The following NKAIN2 variants were observed in gnomAD, a reference collection of about 807,000 sequenced individuals.
NKAIN2 encodes sodium/potassium transporting ATPase interacting 2, also known as sodium/potassium-transporting ATPase subunit beta-1-interacting protein 2.
NKAIN2 carries 14 observed loss-of-function variants against 32.6 expected under a neutral mutation model. The observed-to-expected ratio is 0.43, with a 90% CI of 0.28 to 0.67. The LOEUF (loss-of-function observed/expected upper bound fraction) is 0.67, where lower values mean the gene tolerates loss of function less well. NKAIN2 is among the 30% of genes least tolerant of loss of function. The pLI is 0.17. For missense variants in NKAIN2, 198 were observed against 258.3 expected (o/e 0.77, Z 1.60); for synonymous variants, 80 against 87.2 (o/e 0.92, Z 0.46).
chr6:123,846,088 C>T (rs557579729), intron 1 of NKAIN2, among the ~76,000 whole-genome samples: 69 of 152,204 alleles, frequency 4.5e-4, no homozygotes, highest in African/African-American at 1.6e-3. Flanking sequence ...TATGCATCTT[C>T]TTTTTCTAAC....
chr6:124,553,455 G>A (rs1230659418), intron 3 of NKAIN2, among the ~76,000 whole-genome samples: 2 of 152,024 alleles, frequency 1.3e-5, no homozygotes, highest in Non-Finnish European at 2.9e-5. Context: ...TTACAGGCAG[G>A]CGCCACCACA....
chr6:124,634,210 C>T (rs188112810), intron 3 of NKAIN2, among the ~76,000 whole-genome samples: 1 of 152,018 alleles, frequency 6.6e-6, no homozygotes, highest in Admixed American at 6.6e-5. Flanking sequence ...AGCAAGTAAA[C>T]ATGATACCTC....
chr6:124,701,142 C>G (rs955929793), intron 4 of NKAIN2, among the ~76,000 whole-genome samples: 8 of 126,144 alleles, frequency 6.3e-5, no homozygotes, highest in Non-Finnish European at 1.3e-4. Context: ...GAGAGATACA[C>G]ACACACACAC....
chr6:124,610,600 G>A (rs1291608785), intron 3 of NKAIN2, among the ~76,000 whole-genome samples: 1 of 152,066 alleles, frequency 6.6e-6, no homozygotes, highest in East Asian at 1.9e-4. Flanking sequence ...CATACACTTT[G>A]CTAGACACGC....
chr6:123,991,061 T>C (rs1275969301), intron 1 of NKAIN2, among the ~76,000 whole-genome samples: 1 of 152,210 alleles, frequency 6.6e-6, no homozygotes, highest in East Asian at 1.9e-4. Context: ...TCTGTGTACA[T>C]ACATGTTATA....
At chr6:124,111,085 A>G (rs568439247) in intron 1 of NKAIN2, among the ~76,000 whole-genome samples, 1 of 152,110 alleles carries the variant, frequency 6.6e-6, no homozygotes, top group African/African-American at 2.4e-5. Context: ...TGGATTATGT[A>G]ATTTGTTAGG....
chr6:124,476,421 G>GAC (rs1777218723), intron 3 of NKAIN2, among the ~76,000 whole-genome samples: 24 of 151,122 alleles, frequency 1.6e-4, no homozygotes, highest in Admixed American at 1.6e-3. Flanking sequence ...GTGTGTGTGT[G>GAC]TGTGTGTGTG....
chr6:123,830,189 C>T (rs991472338), intron 1 of NKAIN2, among the ~76,000 whole-genome samples: 14 of 152,148 alleles, frequency 9.2e-5, no homozygotes, highest in Non-Finnish European at 1.8e-4. Flanking sequence ...TGCCATCCTC[C>T]TTGCTTAGAC....
chr6:124,163,477 G>C (rs140906316), intron 1 of NKAIN2, among the ~76,000 whole-genome samples: 334 of 151,974 alleles, frequency 2.2e-3, no homozygotes, highest in African/African-American at 7.5e-3. Flanking sequence ...TTTCCTCCTA[G>C]TCTTGAGTTC....
At chr6:123,889,516 C>T (rs1345137586) in intron 1 of NKAIN2, among the ~76,000 whole-genome samples, 3 of 152,062 alleles carry the variant, frequency 2.0e-5, no homozygotes, top group Admixed American at 6.6e-5. Flanking sequence ...TGTGAATACA[C>T]GATTCAGAGA....
intron 3 of NKAIN2, among the ~76,000 whole-genome samples, chr6:124,611,410 TGCA>T (rs1236438930): frequency 1.3e-5 from 2 of 152,210 alleles, no homozygotes; most frequent in Non-Finnish European, 2.9e-5. Context: ...GTGTAGAATG[TGCA>T]GGTTTGTTAC....
At chr6:123,928,793 A>C (rs575885331) in intron 1 of NKAIN2, among the ~76,000 whole-genome samples, 7 of 152,286 alleles carry the variant, frequency 4.6e-5, no homozygotes, top group South Asian at 2.1e-4. Context: ...GTGTGCCCAG[A>C]GTCATGGATG....
chr6:123,991,878 G>GTA (rs1367538771), intron 1 of NKAIN2, among the ~76,000 whole-genome samples: 3 of 151,474 alleles, frequency 2.0e-5, no homozygotes, highest in Non-Finnish European at 4.4e-5. Context: ...GTGTGTGTGT[G>GTA]TATATATATA....
chr6:124,121,333 A>G (rs1281856053), intron 1 of NKAIN2, among the ~76,000 whole-genome samples: 1 of 152,100 alleles, frequency 6.6e-6, no homozygotes, highest in African/African-American at 2.4e-5. Context: ...TGGAGAAGAA[A>G]TACACAAAAT....
intron 1 of NKAIN2, among the ~76,000 whole-genome samples, chr6:123,962,291 A>T (rs949038182): frequency 6.6e-6 from 1 of 152,204 alleles, no homozygotes; most frequent in Non-Finnish European, 1.5e-5. Context: ...ACCAGTCATC[A>T]GCAATCTAGA....
At chr6:123,876,482 G>T (rs1030282351) in intron 1 of NKAIN2, among the ~76,000 whole-genome samples, 2 of 152,048 alleles carry the variant, frequency 1.3e-5, no homozygotes, top group African/African-American at 4.8e-5. Context: ...TTTTATAAAG[G>T]ATTTGCTCAC....
At chr6:123,906,805 T>A (rs983559155) in intron 1 of NKAIN2, among the ~76,000 whole-genome samples, 1 of 152,190 alleles carries the variant, frequency 6.6e-6, no homozygotes, top group Non-Finnish European at 1.5e-5. Flanking sequence ...TACTTGACAA[T>A]AACATCTCAT....
At chr6:124,039,798 T>C (rs1781783401) in intron 1 of NKAIN2, among the ~76,000 whole-genome samples, 1 of 152,028 alleles carries the variant, frequency 6.6e-6, no homozygotes, top group African/African-American at 2.4e-5. Context: ...CATCTTTTTC[T>C]TTTAATTATC....
intron 1 of NKAIN2, among the ~76,000 whole-genome samples, chr6:123,866,555 C>G (rs535387297): frequency 2.6e-5 from 4 of 152,110 alleles, no homozygotes; most frequent in African/African-American, 7.2e-5. Flanking sequence ...CTCAGCCTCC[C>G]GAGTAGCTGG....
Sources: allele counts gnomAD v4.1 joint callset (sites outside exome capture counted in the v4.1 genomes callset), GRCh38; gene constraint gnomAD v4.1.1; transcripts MANE v1.5; gene names NCBI Gene and HGNC (gene_info 2026-07-23, HGNC 2026-07-21).